Variants in PRKCA observed in about 807,000 individuals in gnomAD.
PRKCA encodes the protein protein kinase C alpha type.
A neutral mutation model predicts 87.0 loss-of-function variants in PRKCA; 27 were observed. That is an observed-to-expected ratio of 0.31 (90% CI 0.23 to 0.43). The LOEUF is 0.43. Among genes scored for constraint, PRKCA ranks in the 20% least tolerant of loss-of-function variants. The pLI is 1.00. For missense variants in PRKCA, 518 were observed against 852.3 expected, an observed-to-expected ratio of 0.61 and a Z score of 4.88; for synonymous variants, 329 against 311.1, an observed-to-expected ratio of 1.06 and a Z score of -0.61.
intron 2 of PRKCA, among the ~76,000 whole-genome samples, chr17:66,491,444 T>C (rs553083676): frequency 6.6e-6 from 1 of 152,338 alleles, no homozygotes; most frequent in Admixed American, 6.5e-5. Flanking sequence ...ATGACACGTC[T>C]CCACTTCCTT....
chr17:66,775,183 C>G, intron 14 of PRKCA: 3 of 964,822 alleles, frequency 3.1e-6, no homozygotes, highest in Non-Finnish European at 3.7e-6. Context: ...TGCCCACCCC[C>G]ACATAGGACA....
At chr17:66,753,667 T>C (rs944885576) in intron 13 of PRKCA, among the ~76,000 whole-genome samples, 5 of 152,180 alleles carry the variant, frequency 3.3e-5, no homozygotes, top group South Asian at 2.1e-4. Flanking sequence ...TCTGTAGAGA[T>C]AAGGCCTTGA....
At chr17:66,665,463 G>A (rs753458037) in intron 5 of PRKCA, among the ~76,000 whole-genome samples, 48 of 151,934 alleles carry the variant, frequency 3.2e-4, no homozygotes, top group Non-Finnish European at 5.6e-4. Context: ...TGAGAAGGGA[G>A]CATCGCTGGG....
At chr17:66,798,398 G>GTGGTGGTGATGGTGGTGA (rs1488074606) in intron 16 of PRKCA, among the ~76,000 whole-genome samples, 1 of 109,688 alleles carries the variant, frequency 9.1e-6, no homozygotes, top group Non-Finnish European at 1.8e-5. Flanking sequence ...GGTGGTGGTG[G>GTGGTGGTGATGGTGGTGA]TGGTGGTGAT....
At chr17:66,577,150 A>G (rs1250336418) in intron 3 of PRKCA, among the ~76,000 whole-genome samples, 3 of 152,118 alleles carry the variant, frequency 2.0e-5, no homozygotes, top group Admixed American at 6.5e-5. Flanking sequence ...GATTACAGGT[A>G]TGAGCCACCG....
intron 3 of PRKCA, among the ~76,000 whole-genome samples, chr17:66,623,516 T>C (rs1970753036): frequency 6.6e-6 from 1 of 151,996 alleles, no homozygotes; most frequent in African/African-American, 2.4e-5. Flanking sequence ...TCTCCAAGAG[T>C]GTGCCGTGCC....
chr17:66,558,580 A>C (rs1968575949), intron 3 of PRKCA, among the ~76,000 whole-genome samples: 1 of 152,114 alleles, frequency 6.6e-6, no homozygotes, highest in East Asian at 1.9e-4. Flanking sequence ...TGCAGTGAGG[A>C]ATCTGATTCT....
chr17:66,714,096 C>T (rs1048953748), intron 8 of PRKCA, among the ~76,000 whole-genome samples: 11 of 152,208 alleles, frequency 7.2e-5, no homozygotes, highest in Admixed American at 2.0e-4. Flanking sequence ...CAAAGCCCAG[C>T]AGTTGCAGCT....
chr17:66,416,145 A>C (rs547473126), intron 2 of PRKCA: 6 of 152,354 alleles, frequency 3.9e-5, no homozygotes, highest in African/African-American at 1.4e-4. Flanking sequence ...TACCATCATG[A>C]AAGAGCCTGC....
intron 2 of PRKCA, among the ~76,000 whole-genome samples, chr17:66,469,349 CTGT>C (rs1915225109): frequency 3.3e-5 from 5 of 152,154 alleles, no homozygotes; most frequent in Admixed American, 3.3e-4. Context: ...ATGAGGGGTG[CTGT>C]GTTTCTTAAA....
Position 66,490,254 on chromosome 17 carries a change from T to A in PRKCA, c.206-5947T>A, listed in dbSNP as rs151298898. The stretch of plus-strand genomic sequence containing the variant: ...TTTATAGTAGGTTATGTATAAGATT[T>A]ACCATTTTAACCATTTTAAATGTAC... On this transcript the variant is annotated intron_variant, in intron 2 of 16. Coordinates refer to ENST00000413366, the MANE Select transcript of PRKCA (RefSeq NM_002737.3). 2.6e-3 allele frequency among the ~76,000 whole-genome samples: 399 copies of A among 152,300 alleles called. 1 individual carries two copies. The highest frequency in any genetic ancestry group is 9.3e-3 in the African/African-American group (386 of 41,566).
chr17:66,389,969 A>G (rs1242743564), intron 2 of PRKCA, among the ~76,000 whole-genome samples: 2 of 152,256 alleles, frequency 1.3e-5, no homozygotes, highest in Non-Finnish European at 2.9e-5. Context: ...CACGCCTGTA[A>G]TCCCAGCACT....
intron 2 of PRKCA, among the ~76,000 whole-genome samples, chr17:66,419,612 A>G (rs1912370630): frequency 6.6e-6 from 1 of 152,174 alleles, no homozygotes; most frequent in African/African-American, 2.4e-5. Context: ...CCCATATTGT[A>G]TCTGTCTTTA....
At chr17:66,440,562 G>A (rs1913679885) in intron 2 of PRKCA, among the ~76,000 whole-genome samples, 1 of 152,168 alleles carries the variant, frequency 6.6e-6, no homozygotes, top group Non-Finnish European at 1.5e-5. Context: ...CAGAGCCACA[G>A]CGGCAGTGAG....
At chr17:66,515,149 G>A (rs961190589) in intron 3 of PRKCA, among the ~76,000 whole-genome samples, 2 of 151,864 alleles carry the variant, frequency 1.3e-5, no homozygotes, top group Non-Finnish European at 2.9e-5. Context: ...CCAGCTACTC[G>A]GGAGGCTGAA....
chr17:66,428,515 T>A (rs1436764732), intron 2 of PRKCA, among the ~76,000 whole-genome samples: 3 of 151,826 alleles, frequency 2.0e-5, no homozygotes, highest in Non-Finnish European at 4.4e-5. Flanking sequence ...TCTTTTTTTT[T>A]TTTTTTGAGA....
chr17:66,304,228 G>T (rs1316671538), intron 1 of PRKCA, among the ~76,000 whole-genome samples: 3 of 152,134 alleles, frequency 2.0e-5, no homozygotes, highest in Admixed American at 6.5e-5. Context: ...GAGGGAAATT[G>T]TGTTTGTGAA....
intron 3 of PRKCA, among the ~76,000 whole-genome samples, chr17:66,613,655 ATC>A (rs1555626237): frequency 6.7e-6 from 1 of 150,192 alleles, no homozygotes; most frequent in Non-Finnish European, 1.5e-5. Context: ...CATCACTCCA[ATC>A]TCTGCCTCCG....
intron 5 of PRKCA, among the ~76,000 whole-genome samples, chr17:66,651,338 AAACAGGAAGATTTT>A (rs1428329182): frequency 3.9e-5 from 6 of 152,206 alleles, no homozygotes; most frequent in Non-Finnish European, 7.3e-5. Flanking sequence ...TTTCTTTTTA[AAACAGGAAGATTTT>A]AAGTTCCAGG....
Sources: gnomAD v4.1 joint callset for allele counts (sites outside exome capture counted in the v4.1 genomes callset) on GRCh38, gnomAD v4.1.1 for gene constraint, MANE v1.5 for transcripts, NCBI Gene and HGNC (gene_info 2026-07-23, HGNC 2026-07-21) for gene names.